The following DSCAM variants were observed in gnomAD, a reference collection of about 807,000 sequenced individuals.
DSCAM encodes cell adhesion molecule DSCAM.
A neutral mutation model predicts 217.7 loss-of-function variants in DSCAM; 47 were observed. The ratio of observed to expected loss-of-function variants is 0.22; its 90% CI spans 0.17 to 0.28. The LOEUF is 0.28. Among genes scored for constraint, DSCAM ranks in the 10% least tolerant of loss-of-function variants. The pLI is 1.00. For missense variants in DSCAM, 2,080 were observed against 2,618.3 expected, an observed-to-expected ratio of 0.79 and a Z score of 4.49; for synonymous variants, 1,056 against 1,015.3, an observed-to-expected ratio of 1.04 and a Z score of -0.76.
chr21:40,434,117 C>T (rs2075561859), intron 3 of DSCAM, among the ~76,000 whole-genome samples: 1 of 152,174 alleles, frequency 6.6e-6, no homozygotes, highest in Admixed American at 6.5e-5. Flanking sequence ...CTTTCCTTAC[C>T]AGCCTTGTCA....
At chr21:40,031,808 C>T (rs1426709184) in intron 32 of DSCAM, among the ~76,000 whole-genome samples, 1 of 152,184 alleles carries the variant, frequency 6.6e-6, no homozygotes, top group Non-Finnish European at 1.5e-5. Flanking sequence ...TATCCCAAAC[C>T]AGAAATGGGA....
intron 11 of DSCAM, among the ~76,000 whole-genome samples, chr21:40,260,169 G>A (rs1262610659): frequency 6.6e-6 from 1 of 152,144 alleles, no homozygotes; most frequent in Non-Finnish European, 1.5e-5. Context: ...AGCATCTTTG[G>A]AATGAGAAGA....
At chr21:40,764,326 C>CAA (rs143273195) in intron 1 of DSCAM, among the ~76,000 whole-genome samples, 11 of 126,072 alleles carry the variant, frequency 8.7e-5, no homozygotes, top group African/African-American at 1.3e-4. Flanking sequence ...TTTATGCCGC[C>CAA]AAAAAAAAAA....
chr21:40,842,928 G>T (rs1388601721), intron 1 of DSCAM, among the ~76,000 whole-genome samples: 2 of 152,154 alleles, frequency 1.3e-5, no homozygotes, highest in Middle Eastern at 3.2e-3. Flanking sequence ...GCATCTTGGA[G>T]GGGCATGCAG....
intron 1 of DSCAM, among the ~76,000 whole-genome samples, chr21:40,756,518 A>T (rs2091277979): frequency 6.6e-6 from 1 of 151,978 alleles, no homozygotes; most frequent in South Asian, 2.1e-4. Flanking sequence ...CAGCCTCCCA[A>T]GTAGCTGGGA....
chr21:40,443,643 A>G (rs571910627), intron 3 of DSCAM, among the ~76,000 whole-genome samples: 2 of 152,334 alleles, frequency 1.3e-5, no homozygotes, highest in Admixed American at 6.5e-5. Flanking sequence ...CACATTAGTA[A>G]TCTATGAGTT....
chr21:40,469,081 C>T (rs1489630541), intron 3 of DSCAM, among the ~76,000 whole-genome samples: 3 of 152,024 alleles, frequency 2.0e-5, no homozygotes, highest in Non-Finnish European at 4.4e-5. Flanking sequence ...TCAACACTGC[C>T]CACCCAAAAG....
At chr21:40,788,435 G>C (rs892136776) in intron 1 of DSCAM, among the ~76,000 whole-genome samples, 2 of 152,062 alleles carry the variant, frequency 1.3e-5, no homozygotes, top group East Asian at 3.9e-4. Flanking sequence ...TTCACTAGAG[G>C]AAGTACTGTA....
At chr21:40,807,535 T>A (rs2091799238) in intron 1 of DSCAM, among the ~76,000 whole-genome samples, 1 of 152,206 alleles carries the variant, frequency 6.6e-6, no homozygotes, top group South Asian at 2.1e-4. Flanking sequence ...ATGCACTCCC[T>A]AGACCTGTTC....
chr21:40,731,027 G>A (rs1302371250), intron 1 of DSCAM, among the ~76,000 whole-genome samples: 2 of 152,074 alleles, frequency 1.3e-5, no homozygotes, highest in African/African-American at 4.8e-5. Flanking sequence ...CATATTTATT[G>A]TTTCTCTCAT....
intron 9 of DSCAM, among the ~76,000 whole-genome samples, chr21:40,304,522 A>T (rs2074050791): frequency 6.6e-6 from 1 of 152,236 alleles, no homozygotes; most frequent in Non-Finnish European, 1.5e-5. Flanking sequence ...ACAATGTGGC[A>T]AACAGTTTGG....
At chr21:40,171,455 T>A (rs576506365) in intron 15 of DSCAM, among the ~76,000 whole-genome samples, 1 of 152,078 alleles carries the variant, frequency 6.6e-6, no homozygotes, top group South Asian at 2.1e-4. Context: ...GACTTAACTG[T>A]TTTTAAGAAT....
At chr21:40,343,502 A>C (rs2074521955) in intron 6 of DSCAM, among the ~76,000 whole-genome samples, 1 of 152,192 alleles carries the variant, frequency 6.6e-6, no homozygotes, top group Non-Finnish European at 1.5e-5. Context: ...AATGGATGCA[A>C]GTTTCATCAA....
At chr21:40,269,099 T>C (rs1421904944) in intron 11 of DSCAM, among the ~76,000 whole-genome samples, 1 of 152,170 alleles carries the variant, frequency 6.6e-6, no homozygotes, top group Admixed American at 6.5e-5. Flanking sequence ...ACTCCATGAA[T>C]TGGAGATGCT....
intron 3 of DSCAM, among the ~76,000 whole-genome samples, chr21:40,619,983 AAGAAAGAGAGAG>A (rs1267582779): frequency 4.1e-5 from 6 of 145,870 alleles, no homozygotes; most frequent in Non-Finnish European, 6.0e-5. Context: ...GGAAAAGAAA[AAGAAAGAGAGAG>A]AGAAAGAGAG....
chr21:40,033,506 C>T (rs1254136753), intron 32 of DSCAM, among the ~76,000 whole-genome samples: 4 of 151,824 alleles, frequency 2.6e-5, no homozygotes, highest in Non-Finnish European at 4.4e-5. Flanking sequence ...ATATCCCGCA[C>T]CTGGCTTGGA....
chr21:40,074,972 ATC>A (rs2089343283), intron 27 of DSCAM, 63 bp downstream of exon 27: 1 of 1,548,456 alleles, frequency 6.5e-7, no homozygotes, highest in South Asian at 1.2e-5. Context: ...TCCAGCTGGC[ATC>A]TCTCCCATTG....
Position 40,167,140 on chromosome 21 carries a change from G to T in DSCAM, c.3018+78C>A, listed in dbSNP as rs1029009087. 8 of 1,284,970 alleles carry T rather than the reference G, an allele frequency of 6.2e-6. No homozygotes were observed. In the African/African-American group the frequency reaches 9.0e-5, roughly 14 times the overall value. 79.6% of individuals were successfully genotyped at this position (1,284,970 alleles called of 1,614,324 possible). On this transcript the variant is annotated intron_variant, in intron 16 of 32. Transcript: ENST00000400454. ...AGTTTTGTAAAATTCGAGAGTCTTG[G>T]TGTCATAACACTGAACAGGAGTGAA...
At chr21:40,248,426 C>A (rs763901909) in intron 11 of DSCAM, among the ~76,000 whole-genome samples, 1 of 152,138 alleles carries the variant, frequency 6.6e-6, no homozygotes, top group Non-Finnish European at 1.5e-5. Context: ...CACCAGATAC[C>A]CTAAACCATC....
Sources: gnomAD v4.1 joint callset for allele counts (sites outside exome capture counted in the v4.1 genomes callset) on GRCh38, gnomAD v4.1.1 for gene constraint, MANE v1.5 for transcripts, NCBI Gene and HGNC (gene_info 2026-07-23, HGNC 2026-07-21) for gene names.